Variants in L3MBTL2 observed in about 807,000 individuals in gnomAD.
L3MBTL2 encodes L3MBTL histone methyl-lysine binding protein 2.
A neutral mutation model predicts 86.4 loss-of-function variants in L3MBTL2; 49 were observed. The ratio of observed to expected loss-of-function variants is 0.57; its 90% CI spans 0.45 to 0.72. The LOEUF (loss-of-function observed/expected upper bound fraction) is 0.72, where lower values mean the gene tolerates loss of function less well. L3MBTL2 is among the 30% of genes least tolerant of loss of function. The probability of loss-of-function intolerance (pLI) is 0.00; values close to 1 mark genes in which losing one functional copy is unlikely to be tolerated. For missense variants in L3MBTL2, 755 were observed against 923.7 expected (o/e 0.82, Z 2.37); for synonymous variants, 336 against 350.6 (o/e 0.96, Z 0.47).
Position 41,230,392 on chromosome 22 carries a change from G to A in L3MBTL2, c.*141G>A, listed in dbSNP as rs765527716. 70 of 663,158 alleles carry A rather than the reference G, an allele frequency of 1.1e-4. No individual in the cohort carries two copies. Among genetic ancestry groups the A allele is most frequent in the Admixed American group, 9.4e-4 (37 of 39,496 alleles). The allele number at this position is 663,158 out of a possible 1,614,324, so 41.1% of individuals were successfully genotyped here. A position where few individuals can be genotyped will look rare whatever the true frequency, so the allele number is the denominator to read the frequency against. ...TGCCCGGTGCTGTGAAGGCTGGACG[G>A]TGGAGGACCTGCTGGGGTCTCCTGG... On this transcript the variant is annotated 3_prime_UTR_variant, in exon 17 of 17. Transcript: ENST00000216237.
rs1039028243 is a variant in L3MBTL2, at chr22:41,211,557, C to CTTTCTTTTTTTTTTTT, written c.262+1627_262+1628insCTTTTTTTTTTTTTTT. On this transcript the variant is annotated intron_variant, in intron 2 of 16. Transcript: ENST00000216237. ...ACTCTTTGCAGTTGAATCTTATTTC[C>CTTTCTTTTTTTTTTTT]TTTTTTTTTTTTTTTTTGAGACGGA... Among the ~76,000 whole-genome samples the CTTTCTTTTTTTTTTTT allele has an allele frequency of 4.6e-3, 445 of 97,280 alleles. 41 individuals carry two copies. Among genetic ancestry groups the CTTTCTTTTTTTTTTTT allele is most frequent in the Middle Eastern group, 0.014 (2 of 148 alleles). The allele number at this position is 97,280 out of a possible 152,430, so 63.8% of individuals were successfully genotyped here.
chr22:41,222,835 C>T (rs976434028), intron 8 of L3MBTL2, among the ~76,000 whole-genome samples: 5 of 152,082 alleles, frequency 3.3e-5, no homozygotes, highest in Non-Finnish European at 5.9e-5. Flanking sequence ...GTGAGAGAAT[C>T]GCTTGAAACC....
intron 5 of L3MBTL2, 73 bp from the exon 6 acceptor site, chr22:41,219,346 G>A: frequency 7.2e-6 from 8 of 1,106,024 alleles, no homozygotes; most frequent in Admixed American, 1.7e-5. Flanking sequence ...ACTTGACTGA[G>A]GCCGTGAGGC....
chr22:41,222,793 G>T (rs143555540), intron 8 of L3MBTL2, among the ~76,000 whole-genome samples: 1 of 152,100 alleles, frequency 6.6e-6, no homozygotes, highest in African/African-American at 2.4e-5. Context: ...GGTGGCATGC[G>T]CCTGTAATCC....
intron 2 of L3MBTL2, among the ~76,000 whole-genome samples, chr22:41,210,536 A>AGCCAGGAT (rs1253478280): frequency 6.6e-6 from 1 of 152,150 alleles, no homozygotes; most frequent in Non-Finnish European, 1.5e-5. Flanking sequence ...TCACCACGTT[A>AGCCAGGAT]GCCAGGATGG....
intron 2 of L3MBTL2, among the ~76,000 whole-genome samples, chr22:41,212,058 G>T (rs2030911236): frequency 6.7e-6 from 1 of 149,852 alleles, no homozygotes; most frequent in Non-Finnish European, 1.5e-5. Context: ...TAGAGACGGG[G>T]TTTCACCGTG....
Position 41,220,822 on chromosome 22 carries a change from C to T in L3MBTL2, c.807C>T (p.Pro269=). 1.2e-6 allele frequency: 2 copies of T among 1,614,058 alleles called. No individual in the cohort carries two copies. Among genetic ancestry groups the T allele is most frequent in the Non-Finnish European group, 1.7e-6 (2 of 1,179,972 alleles). The change falls in exon 7 of 17, where the codon CCC becomes CCT. Residue 269 remains proline, a synonymous_variant. Coordinates refer to ENST00000216237, the MANE Select transcript of L3MBTL2 (RefSeq NM_031488.5). ...ACCTGGGAACAGTGGATGTCCACCC[C>T]ATTGGCTGGTGTGCCATCAACAGCA... The part of the protein sequence containing the change: ...WCNLGTVDVH[P]IGWCAINSKI...
Position 41,224,333 on chromosome 22 carries a change from C to T in L3MBTL2, c.1174+82C>T, listed in dbSNP as rs1368764584. 41 of 1,089,212 alleles carry T rather than the reference C, an allele frequency of 3.8e-5. No individual in the cohort carries two copies. The Admixed American group carries it at 8.7e-4, about 23-fold the overall frequency. The allele number at this position is 1,089,212 out of a possible 1,614,324, so 67.5% of individuals were successfully genotyped here. A position where few individuals can be genotyped will look rare whatever the true frequency, so the allele number is the denominator to read the frequency against. On this transcript the variant is annotated intron_variant, in intron 9 of 16. Transcript: ENST00000216237. This position sits in a 1 kb window ranked among gnomAD's most constrained non-coding sequence, Gnocchi z 4.9. ...GGGAGCACCTTCCTACTCGTCACAG[C>T]AGGTCAGCAGGTGGAGGTTGGCATG...
chr22:41,223,878 C>T, intron 8 of L3MBTL2, 142 bp from the exon 9 acceptor site: 1 of 661,662 alleles, frequency 1.5e-6, no homozygotes, highest in Non-Finnish European at 2.7e-6. Context: ...CCTGGCAGCG[C>T]AGGCAGTCTC....
intron 1 of L3MBTL2, among the ~76,000 whole-genome samples, chr22:41,207,236 CTTTTTTTTT>C (rs753351369): frequency 0.026 from 3,125 of 120,562 alleles, 114 homozygotes; most frequent in African/African-American, 0.095. Context: ...CCCCCAAATC[CTTTTTTTTT>C]TTTTTTTTTT....
At position 41,225,649 on chromosome 22, in the gene L3MBTL2, G is replaced by A. The variant is rs2032130436; in HGVS notation, c.1357-145G>A. ...CATCACAGAAGTACTGTGTGCCCCA[G>A]AGAGGCTCAGGTGTCCTCCAGGAGG... On this transcript the variant is annotated intron_variant, in intron 11 of 16. Transcript: ENST00000216237. This position sits in a 1 kb window ranked among gnomAD's most constrained non-coding sequence, Gnocchi z 4.1. 3 of 751,384 alleles carry A rather than the reference G, an allele frequency of 4.0e-6. No individual in the cohort carries two copies. Among genetic ancestry groups the A allele is most frequent in the African/African-American group, 1.8e-5 (1 of 56,568 alleles). 46.5% of individuals were successfully genotyped at this position (751,384 alleles called of 1,614,324 possible). A position where few individuals can be genotyped will look rare whatever the true frequency, so the allele number is the denominator to read the frequency against.
Position 41,227,929 on chromosome 22 carries a change from C to T in L3MBTL2, c.1888+60C>T, listed in dbSNP as rs865848778. 6.3e-7 allele frequency: 1 copy of T among 1,591,166 alleles called. No individual in the cohort carries two copies. Among genetic ancestry groups the T allele is most frequent in the African/African-American group, 1.3e-5 (1 of 74,352 alleles). On this transcript the variant is annotated intron_variant, in intron 15 of 16. Transcript: ENST00000216237. This position sits in a 1 kb window ranked among gnomAD's most constrained non-coding sequence, Gnocchi z 6.0. Reference sequence around the variant, plus strand: ...GGCCTGGGAGCAGTGGGCCTGCGTCCCTGGGAGCAGGCGGGGGTCAGCCCC... The same window carrying T: ...GGCCTGGGAGCAGTGGGCCTGCGTCTCTGGGAGCAGGCGGGGGTCAGCCCC...
rs2032206855 is a variant in L3MBTL2 at position 41,226,702 on chromosome 22, G to A, written c.1545G>A (p.Glu515=). The A allele has an allele frequency of 6.2e-7, 1 of 1,613,870 alleles. No homozygotes were observed. Among genetic ancestry groups the A allele is most frequent in the Admixed American group, 1.7e-5 (1 of 59,980 alleles). The change falls in exon 13 of 17, where the codon GAG becomes GAA. Residue 515 remains glutamate (E), a synonymous_variant. Coordinates refer to ENST00000216237, the MANE Select transcript of L3MBTL2 (RefSeq NM_031488.5). The part of the protein sequence containing the change: ...AQTFNWENYL[E]KTKSKAAPSR... ...CTTTCAACTGGGAGAACTACTTGGAGAAGACCAAGTCGAAAGCCGCTCCAT... is the reference window on the plus strand; with the variant it reads ...CTTTCAACTGGGAGAACTACTTGGAAAAGACCAAGTCGAAAGCCGCTCCAT...
In L3MBTL2 at chr22:41,224,284, G is replaced by T; in HGVS notation, c.1174+33G>T. ...GAGCCCCAGGCCAGAGGGACTGCAT[G>T]CTGTGCTTCCCCAGGGACGGAGTGG... On this transcript the variant is annotated intron_variant, in intron 9 of 16. Transcript: ENST00000216237. The surrounding 1 kb of genome is among the most constrained non-coding windows in gnomAD (Gnocchi z 4.9). 1 of 1,557,128 alleles carries T rather than the reference G, an allele frequency of 6.4e-7. No individual in the cohort carries two copies. Among genetic ancestry groups the T allele is most frequent in the South Asian group, 1.1e-5 (1 of 89,144 alleles).
chr22:41,209,769 T>C lies in L3MBTL2; in HGVS notation c.98T>C (p.Phe33Ser). The change falls in exon 2 of 17, where the codon TTC becomes TCC. Residue 33 changes from phenylalanine (F) to serine (S), a missense_variant. Phe to Ser is a radical substitution (Grantham distance 155). This residue lies in a region of L3MBTL2 where 103 missense variants were observed against 105.2 expected (regional missense o/e 0.98). Transcript: ENST00000216237. ...DLELFGGYDS[F>S]RSYNSSVGSE... ...GAGCTGTTTGGTGGCTATGATAGTT[T>C]CCGGAGTTATAACAGCAGTGTGGGC... is the stretch of plus-strand genomic sequence containing the variant. 1 of 1,614,162 alleles carries C rather than the reference T, an allele frequency of 6.2e-7. No individual in the cohort carries two copies. Among genetic ancestry groups the C allele is most frequent in the Non-Finnish European group, 8.5e-7 (1 of 1,180,038 alleles).
intron 3 of L3MBTL2, among the ~76,000 whole-genome samples, chr22:41,215,298 A>G (rs1171959422): frequency 6.6e-6 from 1 of 152,194 alleles, no homozygotes; most frequent in Non-Finnish European, 1.5e-5. Flanking sequence ...ATTAATAGCT[A>G]TGGTTTGGGA....
chr22:41,223,165 C>T (rs1260916743), intron 8 of L3MBTL2, among the ~76,000 whole-genome samples: 19 of 152,180 alleles, frequency 1.2e-4, no homozygotes. Flanking sequence ...GTTTAGGACC[C>T]CTGTGTCAGC....
In L3MBTL2 at chr22:41,209,683, C is replaced by A; in HGVS notation, c.25-13C>A. 1.2e-6 allele frequency: 2 copies of A among 1,610,932 alleles called. No homozygotes were observed. The highest frequency in any genetic ancestry group is 2.2e-5 in the South Asian group (2 of 90,838). On this transcript the variant is annotated splice_polypyrimidine_tract_variant and intron_variant, in intron 1 of 16. Coordinates refer to ENST00000216237, the MANE Select transcript of L3MBTL2 (RefSeq NM_031488.5). ...ATAATTCTTTCTACCTGGTTTGTGTCATCCTCCATTAGGAGACCCCATCTT... is the reference window on the plus strand; with the variant it reads ...ATAATTCTTTCTACCTGGTTTGTGTAATCCTCCATTAGGAGACCCCATCTT...
At chr22:41,211,728 T>G (rs2030843782) in intron 2 of L3MBTL2, among the ~76,000 whole-genome samples, 1 of 116,694 alleles carries the variant, frequency 8.6e-6, no homozygotes, top group Admixed American at 8.0e-5. Flanking sequence ...GGCTAATTTT[T>G]TTTGTATTTT....
Sources: allele counts gnomAD v4.1 joint callset (sites outside exome capture counted in the v4.1 genomes callset), GRCh38; gene constraint gnomAD v4.1.1; regional missense constraint gnomAD v4.1.1; non-coding constraint Gnocchi (gnomAD v3.1); transcripts MANE v1.5; gene names NCBI Gene and HGNC (gene_info 2026-07-23, HGNC 2026-07-21).